Variants in PCNX2 observed in about 807,000 individuals in gnomAD.
PCNX2 encodes pecanex 2.
A neutral mutation model predicts 223.8 loss-of-function variants in PCNX2; 168 were observed. The observed-to-expected ratio is 0.75, with a 90% confidence interval of 0.66 to 0.85. The LOEUF is 0.85. Ranked by LOEUF, PCNX2 falls within the 40% of genes least tolerant of loss-of-function variation. PCNX2 has a pLI of 0.00. For synonymous variants in PCNX2, 1,006 were observed against 1,052.6 expected, an observed-to-expected ratio of 0.96 and a Z score of 0.86; for missense variants, 2,507 against 2,675.5, an observed-to-expected ratio of 0.94 and a Z score of 1.39.
intron 15 of PCNX2, among the ~76,000 whole-genome samples, chr1:233,183,085 G>A (rs1474571276): frequency 1.3e-5 from 2 of 152,102 alleles, no homozygotes; most frequent in East Asian, 3.9e-4. Context: ...GTATGAAAAC[G>A]ACCTGCAATA....
intron 8 of PCNX2, among the ~76,000 whole-genome samples, chr1:233,247,852 T>C (rs1476924004): frequency 2.3e-5 from 3 of 129,072 alleles, no homozygotes; most frequent in Non-Finnish European, 4.6e-5. Flanking sequence ...TACTCCAGCC[T>C]AGGTGAAAGA....
At chr1:233,062,248 T>C (rs1380776114) in intron 23 of PCNX2, among the ~76,000 whole-genome samples, 2 of 152,146 alleles carry the variant, frequency 1.3e-5, no homozygotes, top group Admixed American at 6.5e-5. Context: ...CCTGAAAAGG[T>C]TTTTTTCATT....
At chr1:233,304,570 GA>G in the PCNX2 span, among the ~76,000 whole-genome samples, 2 of 152,104 alleles carry the variant, frequency 1.3e-5, no homozygotes, top group Non-Finnish European at 2.9e-5. Context: ...AGTGAAATGT[GA>G]AATAGAAAAT....
intron 13 of PCNX2, among the ~76,000 whole-genome samples, chr1:233,203,549 T>C (rs190638124): frequency 1.3e-5 from 2 of 152,240 alleles, no homozygotes; most frequent in Non-Finnish European, 2.9e-5. Context: ...TACCTCCTTA[T>C]TCATCTGAAT....
the PCNX2 span, among the ~76,000 whole-genome samples, chr1:233,315,520 T>C: frequency 1.6e-4 from 25 of 152,312 alleles, no homozygotes; most frequent in African/African-American, 6.0e-4. Flanking sequence ...TTGAATAAAA[T>C]CTCAAGGTCT....
rs139050306 is a variant in PCNX2 at position 233,053,893 on chromosome 1, C to T, written c.4351+375G>A. Among the ~76,000 whole-genome samples the T allele has an allele frequency of 1.8e-3, 280 of 152,246 alleles. 1 individual carries two copies. Among genetic ancestry groups the T allele is most frequent in the African/African-American group, 6.4e-3 (267 of 41,534 alleles). ...GCTCTAAGACCTTAAATGATTTGCA[C>T]GCAACAGATCCCAACACCTGTGACC... On this transcript the variant is annotated intron_variant, in intron 25 of 33. Transcript: ENST00000258229.
At chr1:233,011,866 G>C (rs1020680406) in intron 28 of PCNX2, among the ~76,000 whole-genome samples, 1 of 152,108 alleles carries the variant, frequency 6.6e-6, no homozygotes, top group Non-Finnish European at 1.5e-5. Flanking sequence ...ACTAGTAAAC[G>C]TGTTTCCCTG....
At chr1:233,319,105 G>A in the PCNX2 span, among the ~76,000 whole-genome samples, 2 of 152,050 alleles carry the variant, frequency 1.3e-5, no homozygotes, top group Non-Finnish European at 2.9e-5. Context: ...TCCCTCTCTC[G>A]GGTTGCTATC....
intron 13 of PCNX2, among the ~76,000 whole-genome samples, chr1:233,205,972 C>CTT (rs1223725434): frequency 6.6e-6 from 1 of 152,006 alleles, no homozygotes; most frequent in Non-Finnish European, 1.5e-5. Context: ...TGGGGCCAAA[C>CTT]TTAGGGAAAT....
chr1:233,289,427 C>A, intron 1 of PCNX2: 1 of 1,420,120 alleles, frequency 7.0e-7, no homozygotes, highest in South Asian at 1.1e-5. Context: ...GCTTCACGAT[C>A]TTGGCGCTCG....
chr1:233,189,128 G>A (rs938340702), intron 15 of PCNX2, among the ~76,000 whole-genome samples: 6 of 152,074 alleles, frequency 3.9e-5, no homozygotes, highest in Middle Eastern at 3.2e-3. Context: ...ATCCACATGC[G>A]GTAGGTACTA....
At chr1:233,019,070 G>A in intron 26 of PCNX2, 1 of 985,304 alleles carries the variant, frequency 1.0e-6, no homozygotes, top group Non-Finnish European at 1.2e-6. Context: ...AAGTTTACTT[G>A]GGTATCTGGT....
chr1:233,055,424 G>C (rs964422219), intron 24 of PCNX2, among the ~76,000 whole-genome samples: 1 of 152,102 alleles, frequency 6.6e-6, no homozygotes, highest in African/African-American at 2.4e-5. Flanking sequence ...CCAGGGGTGC[G>C]TGTTGAGTGG....
At chr1:233,303,311 T>A in the PCNX2 span, among the ~76,000 whole-genome samples, 1 of 152,110 alleles carries the variant, frequency 6.6e-6, no homozygotes, top group Admixed American at 6.6e-5. Flanking sequence ...CTCAGGAGTT[T>A]GAGACTAGCC....
intron 13 of PCNX2, among the ~76,000 whole-genome samples, chr1:233,205,653 G>A (rs1482075515): frequency 6.6e-6 from 1 of 151,742 alleles, no homozygotes; most frequent in African/African-American, 2.4e-5. Context: ...CCTAGATCGT[G>A]CCTCTGCACT....
chr1:233,017,264 G>A, intron 26 of PCNX2, 110 bp from the exon 27 acceptor site: 1 of 571,174 alleles, frequency 1.8e-6, no homozygotes, highest in Non-Finnish European at 2.7e-6. Context: ...TCATTTGTAT[G>A]TTCTGCTGGG....
intron 26 of PCNX2, among the ~76,000 whole-genome samples, chr1:233,020,608 G>A (rs528938173): frequency 6.6e-6 from 1 of 152,204 alleles, no homozygotes; most frequent in Non-Finnish European, 1.5e-5. Context: ...CCAACCTGTC[G>A]GGTTGTTCGC....
chr1:233,143,207 C>T (rs959182466), intron 19 of PCNX2, among the ~76,000 whole-genome samples: 5 of 152,198 alleles, frequency 3.3e-5, no homozygotes, highest in Admixed American at 1.3e-4. Flanking sequence ...TTCACTTAGC[C>T]ATGCAGACAA....
upstream of PCNX2, among the ~76,000 whole-genome samples, chr1:233,298,786 G>A (rs1662210975): frequency 6.6e-6 from 1 of 152,154 alleles, no homozygotes; most frequent in Non-Finnish European, 1.5e-5. Context: ...CTACTAGGGA[G>A]GCTGAGAATC....
Sources: gnomAD v4.1 joint callset for allele counts (sites outside exome capture counted in the v4.1 genomes callset) on GRCh38, gnomAD v4.1.1 for gene constraint, MANE v1.5 for transcripts, NCBI Gene and HGNC (gene_info 2026-07-23, HGNC 2026-07-21) for gene names.